PI4K2A: variants seen among roughly 807,000 people sequenced by gnomAD.
The protein encoded by PI4K2A is phosphatidylinositol 4-kinase type 2 alpha, also known as phosphatidylinositol 4-kinase type 2-alpha.
In PI4K2A, 20 loss-of-function variants were observed where a neutral mutation model predicts 55.0. The ratio of observed to expected loss-of-function variants is 0.36; its 90% CI spans 0.26 to 0.53. The LOEUF (loss-of-function observed/expected upper bound fraction) is 0.53, where lower values mean the gene tolerates loss of function less well. Among genes scored for constraint, PI4K2A ranks in the 20% least tolerant of loss-of-function variants. The probability of loss-of-function intolerance (pLI) is 0.91; values close to 1 mark genes in which losing one functional copy is unlikely to be tolerated. For missense variants in PI4K2A, 463 were observed against 637.1 expected (o/e 0.73, Z 2.94); for synonymous variants, 235 against 258.5 (o/e 0.91, Z 0.87).
intron 5 of PI4K2A, among the ~76,000 whole-genome samples, chr10:97,663,563 C>T (rs1247518643): frequency 2.0e-5 from 3 of 150,234 alleles, no homozygotes; most frequent in South Asian, 2.1e-4. Context: ...TGGTGACTCA[C>T]GCCTGTAATC....
chr10:97,644,703 T>C (rs1200373136), intron 1 of PI4K2A, among the ~76,000 whole-genome samples: 1 of 152,248 alleles, frequency 6.6e-6, no homozygotes, highest in East Asian at 1.9e-4. Flanking sequence ...CCCCATCCTT[T>C]AAGGCACTTC....
exon 2 of PI4K2A, chr10:97,651,122 A>G: frequency 6.2e-7 from 1 of 1,612,726 alleles, no homozygotes; most frequent in Non-Finnish European, 8.5e-7. Flanking sequence ...CTGGAACTCA[A>G]CATTGTTCCC....
intron 1 of PI4K2A, among the ~76,000 whole-genome samples, chr10:97,646,213 T>A (rs927143853): frequency 6.7e-6 from 1 of 150,054 alleles, no homozygotes; most frequent in African/African-American, 2.5e-5. Context: ...TTTGGAGTCC[T>A]TAATAATTTT....
chr10:97,674,541 G>T (rs2041652067), exon 9 of PI4K2A: 2 of 152,232 alleles, frequency 1.3e-5, no homozygotes, highest in Admixed American at 1.3e-4. Flanking sequence ...GCATGTAAAA[G>T]TGATCCACGC....
chr10:97,653,947 C>T (rs1474811138), intron 2 of PI4K2A, among the ~76,000 whole-genome samples: 1 of 152,140 alleles, frequency 6.6e-6, no homozygotes, highest in Non-Finnish European at 1.5e-5. Context: ...TTCCATGAGA[C>T]TGAGATGAGA....
At chr10:97,659,648 C>G (rs2041571189) in intron 4 of PI4K2A, among the ~76,000 whole-genome samples, 1 of 151,940 alleles carries the variant, frequency 6.6e-6, no homozygotes, top group Non-Finnish European at 1.5e-5. Flanking sequence ...TTTTGCCCAC[C>G]TTGGCACCCT....
chr10:97,656,950 C>T lies in PI4K2A; in HGVS notation c.898C>T (p.Leu300=), dbSNP rs1422295153. Residue 300 remains leucine, a synonymous_variant, in exon 4 of 9, where the codon CTG becomes TTG. Coordinates refer to ENST00000370631, the Ensembl canonical transcript of PI4K2A. The surrounding 1 kb of genome is among the most constrained non-coding windows in gnomAD (Gnocchi z 4.5). ...GCTCCAGTTTGAGCGGTTGGTGGTG[C>T]TGGATTACATCATCCGCAACACTGG... The T allele has an allele frequency of 1.2e-6, 2 of 1,614,038 alleles. No individual in the cohort carries two copies. Among genetic ancestry groups the T allele is most frequent in the Non-Finnish European group, 1.7e-6 (2 of 1,180,036 alleles).
intron 8 of PI4K2A, among the ~76,000 whole-genome samples, chr10:97,672,041 ATTTC>A (rs1389880550): frequency 4.0e-5 from 6 of 149,452 alleles, no homozygotes; most frequent in South Asian, 2.1e-4. Context: ...ACCACCTATA[ATTTC>A]TTTCTTTTTT....
intron 2 of PI4K2A, among the ~76,000 whole-genome samples, chr10:97,653,183 A>G (rs1211028131): frequency 9.2e-5 from 14 of 152,324 alleles, no homozygotes; most frequent in African/African-American, 3.4e-4. Context: ...TTCTTCCTTT[A>G]CTAGGCAAAT....
intron 1 of PI4K2A, among the ~76,000 whole-genome samples, chr10:97,642,403 T>C (rs939121386): frequency 2.0e-5 from 3 of 150,848 alleles, no homozygotes; most frequent in Non-Finnish European, 4.4e-5. Context: ...TTTTCTTTTT[T>C]TTTTTCTTTT....
chr10:97,640,889 G>A (rs7909659), exon 1 of PI4K2A: 60,958 of 1,296,548 alleles, frequency 0.047, 8,018 homozygotes, highest in African/African-American at 0.44. Context: ...CCTCTCCGCC[G>A]GGCTCGCCGG....
At chr10:97,660,731 A>C (rs2135758269) in intron 4 of PI4K2A, among the ~76,000 whole-genome samples, 1 of 151,748 alleles carries the variant, frequency 6.6e-6, no homozygotes, top group Admixed American at 6.6e-5. Context: ...CAGTTTATAG[A>C]TGGAGACTGT....
chr10:97,640,846 C>T, exon 1 of PI4K2A: 2 of 1,378,734 alleles, frequency 1.5e-6, no homozygotes, highest in Non-Finnish European at 1.9e-6. Flanking sequence ...CCCGGGGGCG[C>T]GGTCCGAGTG....
chr10:97,668,800 A>G (rs1449463942), intron 8 of PI4K2A, among the ~76,000 whole-genome samples: 3 of 152,140 alleles, frequency 2.0e-5, no homozygotes, highest in African/African-American at 7.2e-5. Context: ...ATTTATCTAA[A>G]GACCTCTGAT....
At position 97,650,278 on chromosome 10, in the gene PI4K2A, C is replaced by CT. The variant is rs71007356; in HGVS notation, c.436-647dup. On this transcript the variant is annotated intron_variant, in intron 1 of 8. Transcript: ENST00000370631. ...TCTACCACTGAATTGGCTTCTGTAC[C>CT]TTTTTTTTTTTTTTTTGTGAGACAG... Among the ~76,000 whole-genome samples, 164 of 108,066 alleles carry CT rather than the reference C, an allele frequency of 1.5e-3. 3 individuals carry two copies. The South Asian group carries it at 0.024, about 16-fold the overall frequency. The allele number at this position is 108,066 out of a possible 152,430, so 70.9% of individuals were successfully genotyped here. A position where few individuals can be genotyped will look rare whatever the true frequency, so the allele number is the denominator to read the frequency against.
At chr10:97,672,803 C>G (rs2041643163) in intron 8 of PI4K2A, among the ~76,000 whole-genome samples, 1 of 137,032 alleles carries the variant, frequency 7.3e-6, no homozygotes, top group African/African-American at 2.8e-5. Context: ...ATGATCTCAG[C>G]TCACTGCAAC....
intron 1 of PI4K2A, among the ~76,000 whole-genome samples, chr10:97,649,672 G>A (rs1344981947): frequency 1.6e-5 from 2 of 125,904 alleles, no homozygotes; most frequent in Non-Finnish European, 3.2e-5. Flanking sequence ...CACCCAGGCT[G>A]GAGTGCAGTG....
At chr10:97,640,721 C>G (rs200426801) in exon 1 of PI4K2A, 49 of 1,457,054 alleles carry the variant, frequency 3.4e-5, no homozygotes, top group Non-Finnish European at 4.4e-5. Flanking sequence ...CGCGCCGGGT[C>G]CCGGAGCCGG....
At chr10:97,660,336 C>T (rs35223596) in intron 4 of PI4K2A, among the ~76,000 whole-genome samples, 55,166 of 143,164 alleles carry the variant, frequency 0.39, 10,732 homozygotes, top group South Asian at 0.48. Context: ...CACTCTGTCG[C>T]CCAGGCTGGA....
Sources: allele counts gnomAD v4.1 joint callset (sites outside exome capture counted in the v4.1 genomes callset), GRCh38; gene constraint gnomAD v4.1.1; non-coding constraint Gnocchi (gnomAD v3.1); transcripts MANE v1.5; gene names NCBI Gene and HGNC (gene_info 2026-07-23, HGNC 2026-07-21).